The following PPHLN1 variants were observed in gnomAD, a reference collection of about 807,000 sequenced individuals.
PPHLN1 encodes the protein periphilin-1.
Under a neutral mutation model 51.3 loss-of-function variants are expected in PPHLN1, and 29 were observed. That is an observed-to-expected ratio of 0.57 (90% CI 0.42 to 0.77). The LOEUF is 0.77. Among genes scored for constraint, PPHLN1 ranks in the 30% least tolerant of loss-of-function variants. The probability of loss-of-function intolerance (pLI) is 0.00; values close to 1 mark genes in which losing one functional copy is unlikely to be tolerated. For synonymous variants in PPHLN1, 147 were observed against 147.8 expected (o/e 0.99, Z 0.04); for missense variants, 436 against 438.4 (o/e 0.99, Z 0.05).
At chr12:42,327,759 A>G (rs2069031368) in intron 1 of PPHLN1, among the ~76,000 whole-genome samples, 2 of 152,220 alleles carry the variant, frequency 1.3e-5, no homozygotes, top group African/African-American at 2.4e-5. Flanking sequence ...TAGCTAATAC[A>G]GTTCTTGGCA....
intron 9 of PPHLN1, among the ~76,000 whole-genome samples, chr12:42,408,984 A>G (rs961345933): frequency 3.9e-5 from 6 of 152,208 alleles, no homozygotes; most frequent in Admixed American, 2.6e-4. Flanking sequence ...CATATTTAAG[A>G]TAAAGTTTAA....
intron 1 of PPHLN1, among the ~76,000 whole-genome samples, chr12:42,332,906 C>G (rs1325022033): frequency 6.6e-6 from 1 of 152,094 alleles, no homozygotes; most frequent in Admixed American, 6.5e-5. Flanking sequence ...TTTATCATCA[C>G]TTCACATGTT....
At chr12:42,341,143 G>C (rs1157027476) in intron 2 of PPHLN1, among the ~76,000 whole-genome samples, 1 of 151,846 alleles carries the variant, frequency 6.6e-6, no homozygotes, top group Non-Finnish European at 1.5e-5. Context: ...CACCACGCTT[G>C]GCTATTTTTT....
chr12:42,389,070 C>T (rs147139138), intron 7 of PPHLN1, among the ~76,000 whole-genome samples: 544 of 152,216 alleles, frequency 3.6e-3, no homozygotes, highest in Non-Finnish European at 6.3e-3. Flanking sequence ...AGCCGTGTCT[C>T]TACTAAAAAT....
At chr12:42,413,179 C>A (rs2080029622) in intron 9 of PPHLN1, among the ~76,000 whole-genome samples, 5 of 152,062 alleles carry the variant, frequency 3.3e-5, no homozygotes, top group Admixed American at 2.6e-4. Flanking sequence ...GTCATAAATT[C>A]TTTGCTTAGG....
intron 4 of PPHLN1, among the ~76,000 whole-genome samples, chr12:42,365,396 T>C (rs2075157050): frequency 6.6e-6 from 1 of 152,196 alleles, no homozygotes; most frequent in Admixed American, 6.5e-5. Flanking sequence ...AAGTAAATGC[T>C]TTCCATCTCC....
intron 5 of PPHLN1, among the ~76,000 whole-genome samples, chr12:42,383,345 G>A (rs1306608295): frequency 6.6e-6 from 1 of 152,204 alleles, no homozygotes; most frequent in Non-Finnish European, 1.5e-5. Flanking sequence ...ACTCTCAGGA[G>A]CTAATATGAA....
At chr12:42,425,712 A>T (rs2081398547) in intron 9 of PPHLN1, among the ~76,000 whole-genome samples, 1 of 152,240 alleles carries the variant, frequency 6.6e-6, no homozygotes, top group South Asian at 2.1e-4. Flanking sequence ...AATGACTTTT[A>T]TTTTTAAAAA....
intron 5 of PPHLN1, among the ~76,000 whole-genome samples, chr12:42,378,180 C>G (rs2076466745): frequency 6.7e-6 from 1 of 150,148 alleles, no homozygotes; most frequent in Non-Finnish European, 1.5e-5. Context: ...AAGTAAAGTT[C>G]TTTGATCAAG....
chr12:42,337,513 C>T (rs1170478831), intron 2 of PPHLN1, among the ~76,000 whole-genome samples: 1 of 151,956 alleles, frequency 6.6e-6, no homozygotes, highest in Admixed American at 6.6e-5. Flanking sequence ...CCAGGCTGGT[C>T]TCGAACTCCT....
At chr12:42,445,858 C>T, downstream of PPHLN1, 3 of 1,308,214 alleles carry the variant, frequency 2.3e-6, no homozygotes, top group Middle Eastern at 2.0e-4. Context: ...TTGCTAAAAC[C>T]TCTCCAGACA....
intron 1 of PPHLN1, among the ~76,000 whole-genome samples, chr12:42,335,199 A>G (rs1177620885): frequency 1.3e-5 from 2 of 152,114 alleles, no homozygotes; most frequent in Non-Finnish European, 2.9e-5. Flanking sequence ...CATTTATGAA[A>G]AGAATACACC....
At chr12:42,426,131 G>T (rs2081433047) in intron 9 of PPHLN1, among the ~76,000 whole-genome samples, 1 of 145,258 alleles carries the variant, frequency 6.9e-6, no homozygotes, top group Admixed American at 7.0e-5. Flanking sequence ...TTCACTAGAG[G>T]AATGACTTGA....
At position 42,432,140 on chromosome 12, in the gene PPHLN1, T is replaced by TCGG. The variant is rs1338776928; in HGVS notation, c.910-9173_910-9171dup. On this transcript the variant is annotated intron_variant, in intron 9 of 9. Coordinates refer to ENST00000358314, the MANE Select transcript of PPHLN1 (RefSeq NM_201439.2). ...GGCATCTCCTGCTGTCACGCTGATG[T>TCGG]CGGCTGTCTCGATCATCTTCTTCAA... 33 of 1,096,436 alleles carry TCGG rather than the reference T, an allele frequency of 3.0e-5. No individual in the cohort carries two copies. The East Asian group carries it at 7.0e-4, about 23-fold the overall frequency. 67.9% of individuals were successfully genotyped at this position (1,096,436 alleles called of 1,614,324 possible).
At chr12:42,327,581 T>G (rs543258757) in intron 1 of PPHLN1, among the ~76,000 whole-genome samples, 1 of 152,236 alleles carries the variant, frequency 6.6e-6, no homozygotes, top group Non-Finnish European at 1.5e-5. Context: ...ACTTGAGGGG[T>G]ATACCCTAAC....
chr12:42,424,514 C>T (rs903277562), intron 9 of PPHLN1, among the ~76,000 whole-genome samples: 1 of 152,124 alleles, frequency 6.6e-6, no homozygotes, highest in Non-Finnish European at 1.5e-5. Flanking sequence ...ATTACTAAAA[C>T]TCTTAAATCC....
downstream of PPHLN1, chr12:42,445,724 A>C (rs2083279226): frequency 5.3e-6 from 2 of 377,754 alleles, no homozygotes; most frequent in Admixed American, 8.6e-5. Context: ...TCACCCTTAA[A>C]AATATGCTCA....
chr12:42,374,999 G>A lies in PPHLN1; in HGVS notation c.436G>A (p.Gly146Ser). ...AAAGGATTCTCCACACAGCAGATCT[G>A]GTTCCAGTGTCAGTAGCAGAAGCTA... ...GRKDSPHSRS[G>S]SSVSSRSYSP... is the part of the protein sequence containing the mutation. Residue 146 changes from glycine (G) to serine (S), a missense_variant, in exon 5 of 10, where the codon GGT becomes AGT. Coordinates refer to ENST00000358314, the MANE Select transcript of PPHLN1 (RefSeq NM_201439.2). 6.2e-7 allele frequency: 1 copy of A among 1,613,904 alleles called. No individual in the cohort carries two copies. The highest frequency in any genetic ancestry group is 8.5e-7 in the Non-Finnish European group (1 of 1,179,934).
At chr12:42,446,938 G>A (rs1357398493), downstream of PPHLN1, 1 of 295,548 alleles carries the variant, frequency 3.4e-6, no homozygotes, top group Non-Finnish European at 6.3e-6. Flanking sequence ...CCTGCAAAGG[G>A]GGGCGACAAT....
Sources: allele counts gnomAD v4.1 joint callset (sites outside exome capture counted in the v4.1 genomes callset), GRCh38; gene constraint gnomAD v4.1.1; transcripts MANE v1.5; gene names NCBI Gene and HGNC (gene_info 2026-07-23, HGNC 2026-07-21).